Variants in NUP37 observed in about 807,000 individuals in gnomAD.
NUP37 encodes the protein nucleoporin 37.
A neutral mutation model predicts 45.4 loss-of-function variants in NUP37; 33 were observed. The observed-to-expected ratio is 0.73, with a 90% CI of 0.55 to 0.97. NUP37 has a LOEUF of 0.97. Among genes scored for constraint, NUP37 ranks in the 50% least tolerant of loss-of-function variants. NUP37 has a pLI of 0.00. For synonymous variants in NUP37, 127 were observed against 130.7 expected (o/e 0.97, Z 0.19); for missense variants, 365 against 389.7 (o/e 0.94, Z 0.53).
chr12:102,118,302 T>G, intron 2 of NUP37, 61 bp downstream of exon 2: 5 of 1,471,042 alleles, frequency 3.4e-6, no homozygotes, highest in Non-Finnish European at 4.6e-6. Flanking sequence ...ATTTGGTTTG[T>G]GTAAGTTCTC....
At chr12:102,076,618 T>A (rs1374587504) in intron 8 of NUP37, among the ~76,000 whole-genome samples, 179 bp downstream of exon 8, 16 of 151,926 alleles carry the variant, frequency 1.1e-4, no homozygotes, top group Non-Finnish European at 2.4e-4. Context: ...ACAAATCAAC[T>A]CCTTGTCTAG....
chr12:102,119,697 A>C (rs1880680422), intron 1 of NUP37, among the ~76,000 whole-genome samples: 1 of 152,170 alleles, frequency 6.6e-6, no homozygotes, highest in African/African-American at 2.4e-5. Flanking sequence ...GGTGACCAGC[A>C]AGTGTTATGG....
intron 6 of NUP37, among the ~76,000 whole-genome samples, chr12:102,084,316 A>T (rs547933255): frequency 2.6e-5 from 4 of 152,322 alleles, no homozygotes; most frequent in African/African-American, 9.6e-5. Context: ...TTATCTTCTC[A>T]TGCAAACTTG....
chr12:102,115,559 C>T (rs1880440151), intron 2 of NUP37, among the ~76,000 whole-genome samples: 1 of 152,056 alleles, frequency 6.6e-6, no homozygotes, highest in South Asian at 2.1e-4. Flanking sequence ...GGATATGGTC[C>T]TTGCTTTTTT....
chr12:102,110,167 C>T (rs1187290561), intron 3 of NUP37, among the ~76,000 whole-genome samples: 1 of 152,248 alleles, frequency 6.6e-6, no homozygotes, highest in African/African-American at 2.4e-5. Context: ...TATCACTCAT[C>T]ATGGAAATGT....
At chr12:102,108,609 CTA>C (rs1245243119) in intron 3 of NUP37, among the ~76,000 whole-genome samples, 1 of 151,980 alleles carries the variant, frequency 6.6e-6, no homozygotes, top group East Asian at 1.9e-4. Flanking sequence ...AATACATACT[CTA>C]TGTGTGTTTA....
intron 6 of NUP37, among the ~76,000 whole-genome samples, chr12:102,080,979 T>C (rs1879314832): frequency 6.6e-6 from 1 of 152,224 alleles, no homozygotes; most frequent in Non-Finnish European, 1.5e-5. Flanking sequence ...CAATGAACAA[T>C]GAAGCATGGT....
intron 3 of NUP37, among the ~76,000 whole-genome samples, chr12:102,111,122 A>G (rs1880302773): frequency 1.3e-5 from 2 of 152,230 alleles, no homozygotes; most frequent in African/African-American, 2.4e-5. Context: ...GTAATGGAGT[A>G]CTACTTAAAA....
At chr12:102,116,291 C>T (rs1427041853) in intron 2 of NUP37, among the ~76,000 whole-genome samples, 8 of 152,088 alleles carry the variant, frequency 5.3e-5, no homozygotes, top group African/African-American at 1.4e-4. Flanking sequence ...TCAGTGTTTG[C>T]GAATACAATC....
intron 6 of NUP37, among the ~76,000 whole-genome samples, chr12:102,080,491 A>G (rs1421158120): frequency 6.6e-6 from 1 of 152,244 alleles, no homozygotes; most frequent in Admixed American, 6.5e-5. Flanking sequence ...TACTAATGCT[A>G]CTAACAATAA....
At chr12:102,114,671 A>C (rs975707606) in intron 2 of NUP37, among the ~76,000 whole-genome samples, 3 of 152,194 alleles carry the variant, frequency 2.0e-5, no homozygotes, top group African/African-American at 7.2e-5. Flanking sequence ...TTTAAGGCCA[A>C]ATACAAATTT....
intron 3 of NUP37, among the ~76,000 whole-genome samples, chr12:102,107,001 C>G (rs1314619551): frequency 6.6e-6 from 1 of 152,132 alleles, no homozygotes; most frequent in Non-Finnish European, 1.5e-5. Flanking sequence ...TTCCTTACAC[C>G]CCACAATTCC....
intron 5 of NUP37, among the ~76,000 whole-genome samples, chr12:102,094,584 A>T (rs958977180): frequency 6.6e-6 from 1 of 152,118 alleles, no homozygotes; most frequent in Admixed American, 6.5e-5. Flanking sequence ...GTAATATGAA[A>T]AACACATAGC....
At chr12:102,102,982 C>T (rs1254758362) in intron 3 of NUP37, among the ~76,000 whole-genome samples, 1 of 152,120 alleles carries the variant, frequency 6.6e-6, no homozygotes, top group African/African-American at 2.4e-5. Context: ...TAGTACCATG[C>T]TGTCTTGAAT....
chr12:102,100,925 T>C, intron 4 of NUP37, 107 bp downstream of exon 4: 1 of 636,696 alleles, frequency 1.6e-6, no homozygotes, highest in South Asian at 2.0e-5. Flanking sequence ...TATACTTTAA[T>C]GATGACCATA....
Position 102,085,765 on chromosome 12 carries a change from C to T in NUP37, c.540+1G>A, listed in dbSNP as rs2465234. The T allele has an allele frequency of 2.7e-6, 4 of 1,477,860 alleles. No homozygotes were observed. In the Admixed American group the frequency reaches 7.1e-5, roughly 26 times the overall value. The allele number at this position is 1,477,860 out of a possible 1,614,324, so 91.5% of individuals were successfully genotyped here. A position where few individuals can be genotyped will look rare whatever the true frequency, so the allele number is the denominator to read the frequency against. ...AAGAGAGTTAAATTATAAATAATAA[C>T]CTTAAAAGTCTCCTCAGGATGCCAG... On this transcript the variant is annotated splice_donor_variant, in intron 6 of 9. Coordinates refer to ENST00000552283, the MANE Select transcript of NUP37 (RefSeq NM_024057.4). LOFTEE classifies it high-confidence loss of function.
Position 102,117,047 on chromosome 12 carries a change from G to A in NUP37, c.156+1316C>T, listed in dbSNP as rs529242868. Among the ~76,000 whole-genome samples the A allele has an allele frequency of 5.9e-5, 9 of 152,248 alleles. No homozygotes were observed. In the South Asian group the frequency reaches 1.9e-3, roughly 32 times the overall value. On this transcript the variant is annotated intron_variant, in intron 2 of 9. Transcript: ENST00000552283. ...CAGAATTGCCTTCTCAGTAAAGGAGGAAATAACATTTATAATAACTATCAC... is the reference window on the plus strand; with the variant it reads ...CAGAATTGCCTTCTCAGTAAAGGAGAAAATAACATTTATAATAACTATCAC...
At position 102,077,482 on chromosome 12, in the gene NUP37, C is replaced by T. The variant is rs1160865280; in HGVS notation, c.562G>A (p.Gly188Arg). The stretch of plus-strand genomic sequence containing the variant: ...AAAAGATCATAAAACCGGATTGTTC[C>T]ATTCTTCTCTGCAACCATTAGCTGT... Reference protein sequence around the residue: ...TFKLMVAEKNGTIRFYDLLAQ... With the variant: ...TFKLMVAEKNRTIRFYDLLAQ... Residue 188 changes from glycine to arginine, a missense_variant, in exon 7 of 10, where the codon GGA (glycine) becomes AGA (arginine). Gly to Arg is a moderately radical substitution (Grantham distance 125). Coordinates refer to ENST00000552283, the MANE Select transcript of NUP37 (RefSeq NM_024057.4). 1.3e-5 allele frequency: 21 copies of T among 1,613,218 alleles called. No homozygotes were observed. Among genetic ancestry groups the T allele is most frequent in the Non-Finnish European group, 1.8e-5 (21 of 1,179,952 alleles).
Position 102,077,504 on chromosome 12 carries a change from C to T in NUP37, c.541-1G>A. The T allele has an allele frequency of 6.2e-7, 1 of 1,605,648 alleles. No individual in the cohort carries two copies. The highest frequency in any genetic ancestry group is 8.5e-7 in the Non-Finnish European group (1 of 1,177,066). On this transcript the variant is annotated splice_acceptor_variant, in intron 6 of 9. Coordinates refer to ENST00000552283, the MANE Select transcript of NUP37 (RefSeq NM_024057.4). LOFTEE classifies it high-confidence loss of function. ...TTCCATTCTTCTCTGCAACCATTAG[C>T]TGTAAGACAGAAAAATAAAAAGAAA...
Sources: gnomAD v4.1 joint callset for allele counts (sites outside exome capture counted in the v4.1 genomes callset) on GRCh38, gnomAD v4.1.1 for gene constraint, MANE v1.5 for transcripts, NCBI Gene and HGNC (gene_info 2026-07-23, HGNC 2026-07-21) for gene names.